The following ROR2 variants were observed in gnomAD, a reference collection of about 807,000 sequenced individuals.
ROR2 encodes tyrosine-protein kinase transmembrane receptor ROR2.
ROR2 carries 33 observed loss-of-function variants against 74.9 expected under a neutral mutation model. The observed-to-expected ratio is 0.44, with a 90% CI of 0.33 to 0.59. The LOEUF is 0.59. Ranked by LOEUF, ROR2 falls within the 20% of genes least tolerant of loss-of-function variation. ROR2 has a pLI of 0.02. For missense variants in ROR2, 1,216 were observed against 1,313.8 expected (o/e 0.93, Z 1.15); for synonymous variants, 586 against 558.7 (o/e 1.05, Z -0.69).
rs775860567 is a variant in ROR2, at chr9:91,724,947, G to C, written c.1547C>G (p.Pro516Arg). The C allele has an allele frequency of 1.2e-6, 2 of 1,613,138 alleles. No individual in the cohort carries two copies. Among genetic ancestry groups the C allele is most frequent in the Non-Finnish European group, 1.7e-6 (2 of 1,179,704 alleles). Reference sequence around the variant, plus strand: ...CTCATGCCGGAACTCCTCCCGCAGGGGCCCCTCCGCTTTGTCCTTCAGCGT... The same window carrying C: ...CTCATGCCGGAACTCCTCCCGCAGGCGCCCCTCCGCTTTGTCCTTCAGCGT... ...IKTLKDKAEGPLREEFRHEAM... is the reference protein window; with the variant it reads ...IKTLKDKAEGRLREEFRHEAM... The change falls in exon 9 of 9, where the codon CCC becomes CGC. Residue 516 changes from proline to arginine, a missense_variant. Physicochemically the swap from Pro to Arg is moderately radical, Grantham distance 103 (BLOSUM62 -2). Coordinates refer to ENST00000375708, the MANE Select transcript of ROR2 (RefSeq NM_004560.4).
chr9:91,909,849 T>TTTG (rs1554691399), intron 1 of ROR2, among the ~76,000 whole-genome samples: 3 of 104,622 alleles, frequency 2.9e-5, no homozygotes, highest in Admixed American at 9.6e-5. Context: ...TTTGTTTTGT[T>TTTG]TTTTTTTTTT....
chr9:91,792,339 G>A (rs1397298277), intron 1 of ROR2, among the ~76,000 whole-genome samples: 6 of 138,410 alleles, frequency 4.3e-5, no homozygotes, highest in Admixed American at 1.5e-4. Context: ...ACGGAGTCTC[G>A]CTCTGTCGCC....
intron 1 of ROR2, among the ~76,000 whole-genome samples, chr9:91,777,142 T>C (rs998552280): frequency 1.3e-5 from 2 of 152,238 alleles, no homozygotes; most frequent in Admixed American, 1.3e-4. Context: ...CACTTATATT[T>C]CGAAATTTTA....
At chr9:91,750,108 G>C (rs1199263299) in intron 4 of ROR2, among the ~76,000 whole-genome samples, 1 of 152,104 alleles carries the variant, frequency 6.6e-6, no homozygotes, top group Non-Finnish European at 1.5e-5. Context: ...CACGATGTTG[G>C]CCAGGCTGGT....
intron 1 of ROR2, among the ~76,000 whole-genome samples, chr9:91,854,471 T>G (rs1829213564): frequency 6.6e-6 from 1 of 152,232 alleles, no homozygotes; most frequent in Admixed American, 6.5e-5. Flanking sequence ...TCAAAGACAG[T>G]ACTCCATTTG....
chr9:91,776,840 AATT>A (rs961932119), intron 1 of ROR2, among the ~76,000 whole-genome samples: 1 of 152,210 alleles, frequency 6.6e-6, no homozygotes, highest in Non-Finnish European at 1.5e-5. Flanking sequence ...AAGAGACAAA[AATT>A]ATTAACTGCT....
In ROR2 at chr9:91,949,975, T is replaced by A. The variant is rs1832131051; in HGVS notation, c.-12A>T. 5 of 1,433,194 alleles carry A rather than the reference T, an allele frequency of 3.5e-6. No individual in the cohort carries two copies. In the African/African-American group the frequency reaches 7.6e-5, roughly 22 times the overall value. 88.8% of individuals were successfully genotyped at this position (1,433,194 alleles called of 1,614,324 possible). ...GAGCCCCGGGCCATGCCGCAGGCAG[T>A]GGGGGCCGGGAAGCCCTCAGAGCTT... On this transcript the variant is annotated 5_prime_UTR_variant, in exon 1 of 9. Transcript: ENST00000375708.
chr9:91,731,834 G>A (rs759397369), intron 6 of ROR2, among the ~76,000 whole-genome samples: 7 of 152,144 alleles, frequency 4.6e-5, no homozygotes, highest in Non-Finnish European at 8.8e-5. Flanking sequence ...GGAATCGCTC[G>A]AACCTGAGAG....
rs111855171 is a variant in ROR2 at position 91,895,631 on chromosome 9, G to A, written c.97+54236C>T. Among the ~76,000 whole-genome samples the A allele has an allele frequency of 1.0e-3, 157 of 152,284 alleles. 1 individual carries two copies. The highest frequency in any genetic ancestry group is 3.5e-3 in the African/African-American group (146 of 41,572). Reference sequence around the variant, plus strand: ...GGCTGAGGCGGGCGGATCACTTGAGGTCAGGAGTTCAAGACCAGCCTGGCC... The same window carrying A: ...GGCTGAGGCGGGCGGATCACTTGAGATCAGGAGTTCAAGACCAGCCTGGCC... On this transcript the variant is annotated intron_variant, in intron 1 of 8. Coordinates refer to ENST00000375708, the MANE Select transcript of ROR2 (RefSeq NM_004560.4).
At chr9:91,747,479 T>A (rs754783346) in intron 4 of ROR2, among the ~76,000 whole-genome samples, 1 of 152,202 alleles carries the variant, frequency 6.6e-6, no homozygotes, top group Non-Finnish European at 1.5e-5. Flanking sequence ...TGTCTTGCTG[T>A]CACGCTGCAC....
chr9:91,837,790 AT>A (rs1365198448), intron 1 of ROR2, among the ~76,000 whole-genome samples: 1 of 152,224 alleles, frequency 6.6e-6, no homozygotes, highest in East Asian at 1.9e-4. Context: ...GTAGAAAAAA[AT>A]ATATAGTTTT....
chr9:91,930,873 A>T (rs1213745311), intron 1 of ROR2, among the ~76,000 whole-genome samples: 2 of 152,242 alleles, frequency 1.3e-5, no homozygotes, highest in Non-Finnish European at 2.9e-5. Context: ...ATTCCCAAGA[A>T]GAATGGATAT....
chr9:91,829,340 C>T (rs1043589216), intron 1 of ROR2, among the ~76,000 whole-genome samples: 1 of 151,950 alleles, frequency 6.6e-6, no homozygotes, highest in African/African-American at 2.4e-5. Flanking sequence ...CTCAGGAGTT[C>T]GAGACCAGCC....
At chr9:91,791,938 G>A (rs919051546) in intron 1 of ROR2, among the ~76,000 whole-genome samples, 14 of 152,124 alleles carry the variant, frequency 9.2e-5, no homozygotes, top group African/African-American at 3.4e-4. Context: ...GAAATCAGCA[G>A]AAGAAAATTT....
Position 91,724,694 on chromosome 9 carries a change from C to A in ROR2, c.1800G>T (p.Ala600=). The A allele has an allele frequency of 6.2e-7, 1 of 1,614,220 alleles. No individual in the cohort carries two copies. The highest frequency in any genetic ancestry group is 1.1e-5 in the South Asian group (1 of 91,084). The change falls in exon 9 of 9, where the codon GCG becomes GCT. Residue 600 remains alanine (A), a synonymous_variant. Transcript: ENST00000375708. ...PDFVHLVAQI[A]AGMEYLSSHH... ...GGCTGGATAGGTACTCCATCCCCGCCGCGATCTGTGCCACAAGGTGCACGA... is the reference window on the plus strand; with the variant it reads ...GGCTGGATAGGTACTCCATCCCCGCAGCGATCTGTGCCACAAGGTGCACGA...
At chr9:91,744,743 G>A (rs1181912422) in intron 4 of ROR2, among the ~76,000 whole-genome samples, 1 of 152,142 alleles carries the variant, frequency 6.6e-6, no homozygotes, top group East Asian at 1.9e-4. Flanking sequence ...TTTTGCAATG[G>A]CCACCTCTAA....
chr9:91,748,635 G>C (rs1372031182), intron 4 of ROR2, among the ~76,000 whole-genome samples: 1 of 152,238 alleles, frequency 6.6e-6, no homozygotes, highest in Non-Finnish European at 1.5e-5. Context: ...AAATTTGGGA[G>C]AGAAAGATTA....
At chr9:91,745,416 T>G (rs1289478502) in intron 4 of ROR2, among the ~76,000 whole-genome samples, 1 of 144,054 alleles carries the variant, frequency 6.9e-6, no homozygotes, top group Non-Finnish European at 1.5e-5. Context: ...TGAGCCACCA[T>G]GCCCAGCCTA....
At chr9:91,863,553 C>T (rs1263217329) in intron 1 of ROR2, among the ~76,000 whole-genome samples, 1 of 152,024 alleles carries the variant, frequency 6.6e-6, no homozygotes, top group Admixed American at 6.6e-5. Flanking sequence ...ACAAAAGAAA[C>T]GTGGTGTATC....
Sources: allele counts gnomAD v4.1 joint callset (sites outside exome capture counted in the v4.1 genomes callset), GRCh38; gene constraint gnomAD v4.1.1; transcripts MANE v1.5; gene names NCBI Gene and HGNC (gene_info 2026-07-23, HGNC 2026-07-21).